HECTD3: variants seen among roughly 807,000 people sequenced by gnomAD.
The protein encoded by HECTD3 is E3 ubiquitin-protein ligase HECTD3.
In HECTD3, 72 loss-of-function variants were observed where a neutral mutation model predicts 109.3. The observed-to-expected ratio is 0.66, with a 90% CI of 0.54 to 0.80. The LOEUF is 0.80. Among genes scored for constraint, HECTD3 ranks in the 30% least tolerant of loss-of-function variants. The pLI is 0.00. For missense variants in HECTD3, 1,041 were observed against 1,165.2 expected (o/e 0.89, Z 1.55); for synonymous variants, 481 against 471.8 (o/e 1.02, Z -0.25).
chr1:45,009,337 C>G, intron 6 of HECTD3, 32 bp downstream of exon 6: 1 of 1,566,892 alleles, frequency 6.4e-7, no homozygotes, highest in African/African-American at 1.3e-5. Flanking sequence ...TTGGAACATG[C>G]CCTACTTCCC....
chr1:45,005,964 T>C, intron 14 of HECTD3, 33 bp downstream of exon 14: 1 of 1,611,500 alleles, frequency 6.2e-7, no homozygotes. Context: ...GGGCCAGGGC[T>C]GATCGGACGG....
Position 45,006,010 on chromosome 1 carries a change from C to A in HECTD3, c.1832G>T (p.Gly611Val). Residue 611 changes from glycine (G) to valine (V), a missense_variant, in exon 14 of 21, where the codon GGT (glycine) becomes GTT (valine). Around this residue, in one of 2 missense-constraint regions of HECTD3, gnomAD observed 569 missense variants for 715.3 expected, o/e 0.80. Transcript: ENST00000372172. The surrounding 1 kb of genome is among the most constrained non-coding windows in gnomAD (Gnocchi z 4.7). ...AAGGCTACTCACCAGGAACTCCTTA[C>A]CCCGAAGGGCAGCCCCCATCAGCTG... ...IGQLMGAALR[G>V]KEFLVLALPG... The A allele has an allele frequency of 5.6e-6, 9 of 1,614,090 alleles. No individual in the cohort carries two copies. Among genetic ancestry groups the A allele is most frequent in the Non-Finnish European group, 7.6e-6 (9 of 1,179,980 alleles).
chr1:45,006,765 A>G lies in HECTD3; in HGVS notation c.1652T>C (p.Met551Thr), dbSNP rs371637735. 13 of 1,613,624 alleles carry G rather than the reference A, an allele frequency of 8.1e-6. No individual in the cohort carries two copies. Among genetic ancestry groups the G allele is most frequent in the African/African-American group, 2.7e-5 (2 of 74,892 alleles). The change falls in exon 13 of 21, where the codon ATG (methionine) becomes ACG (threonine). Residue 551 changes from methionine to threonine, a missense_variant. Physicochemically the swap from Met to Thr is moderately conservative, Grantham distance 81. Transcript: ENST00000372172. The surrounding 1 kb of genome is among the most constrained non-coding windows in gnomAD (Gnocchi z 4.7). ...TGAGCTAGGGCACAGCTCTTCTGAC[A>G]TATCTGCCAGGCTGTCCCGGAAACC... Reference protein sequence around the residue: ...GGGFRDSLADMSEELCPSSAD... With the variant: ...GGGFRDSLADTSEELCPSSAD...
chr1:45,009,021 G>A (rs938263189), intron 7 of HECTD3, 123 bp downstream of exon 7: 6 of 820,530 alleles, frequency 7.3e-6, no homozygotes, highest in Middle Eastern at 2.9e-4. Flanking sequence ...CCAAATCCTG[G>A]AGTTAGTTCA....
Position 45,007,230 on chromosome 1 carries a change from G to A in HECTD3, c.1545C>T (p.Pro515=), listed in dbSNP as rs985343111. 1 of 1,613,280 alleles carries A rather than the reference G, an allele frequency of 6.2e-7. No individual in the cohort carries two copies. Among genetic ancestry groups the A allele is most frequent in the Non-Finnish European group, 8.5e-7 (1 of 1,179,608 alleles). The part of the protein sequence containing the change: ...GLKPSDKYEK[P]LDYRWPMRYD... ...CTCTCATGCCATACCTGTAGTCCAG[G>A]GGCTTTTCATATTTGTCAGAGGGCT... Residue 515 remains proline, a synonymous_variant, in exon 11 of 21, where the codon CCC becomes CCT. Coordinates refer to ENST00000372172, the MANE Select transcript of HECTD3 (RefSeq NM_024602.6).
At chr1:45,004,007 C>A in intron 18 of HECTD3, 53 bp downstream of exon 18, 1 of 1,612,822 alleles carries the variant, frequency 6.2e-7, no homozygotes, top group Non-Finnish European at 8.5e-7. Flanking sequence ...CCTGCCTCTG[C>A]AACTCAGCAG....
chr1:45,007,653 C>T, intron 9 of HECTD3, 58 bp from the exon 10 acceptor site: 1 of 1,437,264 alleles, frequency 7.0e-7, no homozygotes, highest in Non-Finnish European at 9.6e-7. Context: ...CCGTCCAGGC[C>T]CTGGAACTTT....
chr1:45,010,891 T>C lies in HECTD3; in HGVS notation c.367A>G (p.Lys123Glu), dbSNP rs200782662. 208 of 1,523,122 alleles carry C rather than the reference T, an allele frequency of 1.4e-4. 1 individual carries two copies. Among genetic ancestry groups the C allele is most frequent in the Non-Finnish European group, 1.7e-4 (196 of 1,147,390 alleles). 94.4% of individuals were successfully genotyped at this position (1,523,122 alleles called of 1,614,324 possible). Reference sequence around the variant, plus strand: ...GTCCTGGGCAGGGAAGAGCGCACCTTTGTCAGCTTCACCCAGAGCCCGTGG... The same window carrying C: ...GTCCTGGGCAGGGAAGAGCGCACCTCTGTCAGCTTCACCCAGAGCCCGTGG... ...NGHGLWVKLT[K>E]EQLAEHLGDC... The change falls in exon 1 of 21, where the codon AAG becomes GAG. Residue 123 changes from lysine (K) to glutamate (E), a missense_variant and splice_region_variant. Physicochemically the swap from Lys to Glu is moderately conservative, Grantham distance 56. Transcript: ENST00000372172.
Position 45,003,340 on chromosome 1 carries a change from C to T in HECTD3, c.*152G>A. 1.5e-6 allele frequency: 1 copy of T among 668,992 alleles called. No homozygotes were observed. The highest frequency in any genetic ancestry group is 2.7e-5 in the East Asian group (1 of 36,394). The allele number at this position is 668,992 out of a possible 1,614,324, so 41.4% of individuals were successfully genotyped here. Reference sequence around the variant, plus strand: ...GGCCACTAGTGTTACCTGACCATGCCAGCTGCCCCTACCCCAACTGCACAC... The same window carrying T: ...GGCCACTAGTGTTACCTGACCATGCTAGCTGCCCCTACCCCAACTGCACAC... On this transcript the variant is annotated 3_prime_UTR_variant, in exon 21 of 21. Transcript: ENST00000372172. This position sits in a 1 kb window ranked among gnomAD's most constrained non-coding sequence, Gnocchi z 4.7.
chr1:45,004,494 C>T (rs1299959473), intron 16 of HECTD3, 106 bp downstream of exon 16: 6 of 1,591,982 alleles, frequency 3.8e-6, no homozygotes, highest in Admixed American at 3.4e-5. Flanking sequence ...ATGGTGGGGG[C>T]CAGAGTTCTT....
intron 7 of HECTD3, 25 bp from the exon 8 acceptor site, chr1:45,008,726 T>A (rs1379300235): frequency 6.2e-7 from 1 of 1,602,434 alleles, no homozygotes; most frequent in Non-Finnish European, 8.5e-7. Flanking sequence ...CAGAGTAAGG[T>A]CATTTACAGC....
intron 16 of HECTD3, 60 bp from the exon 17 acceptor site, chr1:45,004,437 G>T: frequency 6.2e-7 from 1 of 1,611,816 alleles, no homozygotes; most frequent in Non-Finnish European, 8.5e-7. Flanking sequence ...CCTCACACTG[G>T]GGGGCATCAC....
intron 2 of HECTD3, 25 bp from the exon 3 acceptor site, chr1:45,010,318 G>C: frequency 1.2e-5 from 19 of 1,604,964 alleles, no homozygotes; most frequent in Non-Finnish European, 1.5e-5. Context: ...TAGGGAGTGG[G>C]ATGGGGAGAC....
chr1:45,005,817 A>C lies in HECTD3; in HGVS notation c.1912T>G (p.Phe638Val). The C allele has an allele frequency of 6.2e-7, 1 of 1,605,308 alleles. No homozygotes were observed. The highest frequency in any genetic ancestry group is 2.2e-5 in the East Asian group (1 of 44,870). The change falls in exon 15 of 21, where the codon TTC becomes GTC. Residue 638 changes from phenylalanine (F) to valine (V), a missense_variant. Phe to Val is a conservative substitution (Grantham distance 50, BLOSUM62 -1). Coordinates refer to ENST00000372172, the MANE Select transcript of HECTD3 (RefSeq NM_024602.6). The stretch of plus-strand genomic sequence containing the variant: ...ACCAGCACAGAGTCCACAGCTGGGA[A>C]GTCCTTGCTCCAGCTCACCTCCTCA... Reference protein sequence around the residue: ...SGEEVSWSKDFPAVDSVLVKL... With the variant: ...SGEEVSWSKDVPAVDSVLVKL...
Position 45,009,485 on chromosome 1 carries a change from G to C in HECTD3, c.876-3C>G. 1 of 1,612,672 alleles carries C rather than the reference G, an allele frequency of 6.2e-7. No homozygotes were observed. The highest frequency in any genetic ancestry group is 2.2e-5 in the East Asian group (1 of 44,880). On this transcript the variant is annotated splice_region_variant and splice_polypyrimidine_tract_variant and intron_variant, in intron 5 of 20. Coordinates refer to ENST00000372172, the MANE Select transcript of HECTD3 (RefSeq NM_024602.6). The stretch of plus-strand genomic sequence containing the variant: ...TATCCACTGTGAGTAGCAGCTTCCT[G>C]AAGGGTCAGAGTGTGAATATGAGTC...
At position 45,006,089 on chromosome 1, in the gene HECTD3, T is replaced by C. The variant is rs1293346839; in HGVS notation, c.1753A>G (p.Met585Val). 1.9e-6 allele frequency: 3 copies of C among 1,614,122 alleles called. No homozygotes were observed. Among genetic ancestry groups the C allele is most frequent in the Non-Finnish European group, 2.5e-6 (3 of 1,179,986 alleles). ...QGNGTGEARD[M>V]YVPNPSCRDF... ...CGGCAGGAGGGGTTGGGTACATACA[T>C]GTCCCGAGCCTCACCAGTGCCATTG... The change falls in exon 14 of 21, where the codon ATG becomes GTG. Residue 585 changes from methionine (M) to valine (V), a missense_variant. Coordinates refer to ENST00000372172, the MANE Select transcript of HECTD3 (RefSeq NM_024602.6). This position sits in a 1 kb window ranked among gnomAD's most constrained non-coding sequence, Gnocchi z 4.7.
At chr1:45,009,515 T>C (rs765931158) in intron 5 of HECTD3, 33 bp from the exon 6 acceptor site, 1 of 1,608,102 alleles carries the variant, frequency 6.2e-7, no homozygotes, top group Non-Finnish European at 8.5e-7. Context: ...TGAGTCTTTG[T>C]GAACCCACAG....
chr1:45,004,171 C>T, intron 17 of HECTD3, 37 bp from the exon 18 acceptor site: 1 of 1,614,188 alleles, frequency 6.2e-7, no homozygotes, highest in South Asian at 1.1e-5. Flanking sequence ...TCTTGGGTCT[C>T]ATCTTGCCCA....
intron 15 of HECTD3, chr1:45,005,158 C>G (rs1331683990): frequency 2.5e-6 from 1 of 401,138 alleles, no homozygotes; most frequent in Non-Finnish European, 4.7e-6. Flanking sequence ...TGGCTGGAGA[C>G]ACAGGGTTCA....
Sources: allele counts gnomAD v4.1 joint callset, GRCh38; gene constraint gnomAD v4.1.1; regional missense constraint gnomAD v4.1.1; non-coding constraint Gnocchi (gnomAD v3.1); transcripts MANE v1.5; gene names NCBI Gene and HGNC (gene_info 2026-07-23, HGNC 2026-07-21).